The following SGCZ variants were observed in gnomAD, a reference collection of about 807,000 sequenced individuals.
The protein encoded by SGCZ is sarcoglycan zeta, also known as zeta-sarcoglycan.
In SGCZ, 40 loss-of-function variants were observed where a neutral mutation model predicts 41.3. That is an observed-to-expected ratio of 0.97 (90% CI 0.75 to 1.26). SGCZ has a LOEUF of 1.26. Among genes scored for constraint, SGCZ ranks in the 50% most tolerant of loss-of-function variants. SGCZ has a pLI of 0.00. For synonymous variants in SGCZ, 206 were observed against 137.5 expected, an observed-to-expected ratio of 1.50 and a Z score of -3.49; for missense variants, 552 against 369.8, an observed-to-expected ratio of 1.49 and a Z score of -4.04.
chr8:14,794,162 C>T (rs1023106796), intron 1 of SGCZ, among the ~76,000 whole-genome samples: 2 of 152,160 alleles, frequency 1.3e-5, no homozygotes, highest in Admixed American at 6.6e-5. Flanking sequence ...CTACAGTCTT[C>T]TACTCAGTCA....
At chr8:15,168,123 G>A (rs80273447) in intron 1 of SGCZ, among the ~76,000 whole-genome samples, 1 of 152,060 alleles carries the variant, frequency 6.6e-6, no homozygotes, top group African/African-American at 2.4e-5. Context: ...TTAGCATTTG[G>A]CTTATGTTAA....
At chr8:14,780,896 C>G (rs1490744014) in intron 1 of SGCZ, among the ~76,000 whole-genome samples, 1 of 151,912 alleles carries the variant, frequency 6.6e-6, no homozygotes, top group Non-Finnish European at 1.5e-5. Flanking sequence ...TTAAAAAAAG[C>G]AAATTTTCAA....
intron 1 of SGCZ, among the ~76,000 whole-genome samples, chr8:14,633,828 C>T (rs1387688222): frequency 1.3e-5 from 2 of 151,792 alleles, no homozygotes; most frequent in Non-Finnish European, 2.9e-5. Context: ...TTAAGTAGTC[C>T]AGTGTTCTGA....
chr8:14,344,937 C>G (rs1459392658), intron 2 of SGCZ, among the ~76,000 whole-genome samples: 1 of 151,896 alleles, frequency 6.6e-6, no homozygotes, highest in Non-Finnish European at 1.5e-5. Flanking sequence ...TACGATACAA[C>G]TAATTTAGGG....
intron 1 of SGCZ, among the ~76,000 whole-genome samples, chr8:14,580,320 T>C (rs1804846349): frequency 1.3e-5 from 2 of 152,230 alleles, no homozygotes; most frequent in South Asian, 4.1e-4. Flanking sequence ...TCTACTCTGA[T>C]TTTTCAGTTA....
At chr8:15,144,496 G>A (rs1389948096) in intron 1 of SGCZ, among the ~76,000 whole-genome samples, 3 of 150,018 alleles carry the variant, frequency 2.0e-5, no homozygotes, top group Non-Finnish European at 4.4e-5. Context: ...ACTAAGTCTC[G>A]CTCAGTCACC....
intron 3 of SGCZ, among the ~76,000 whole-genome samples, chr8:14,245,795 C>G (rs939835397): frequency 3.9e-5 from 6 of 152,138 alleles, no homozygotes; most frequent in African/African-American, 1.4e-4. Flanking sequence ...AGGACATGAA[C>G]AGACGCTTCT....
At position 14,456,332 on chromosome 8, in the gene SGCZ, C is replaced by G. The variant is rs573447502; in HGVS notation, c.234+98400G>C. On this transcript the variant is annotated intron_variant, in intron 2 of 7. Coordinates refer to ENST00000382080, the MANE Select transcript of SGCZ (RefSeq NM_139167.4). ...CTGAGGCGGGAGAATCACTTGAACC[C>G]GGGAGGCAGAGGTTGCAGAGAGCCA... is the stretch of plus-strand genomic sequence containing the variant. Among the ~76,000 whole-genome samples the G allele has an allele frequency of 2.0e-5, 3 of 152,040 alleles. No individual in the cohort carries two copies. The South Asian group carries it at 6.2e-4, about 31-fold the overall frequency.
At chr8:14,469,861 T>C (rs1337519775) in intron 2 of SGCZ, among the ~76,000 whole-genome samples, 2 of 152,146 alleles carry the variant, frequency 1.3e-5, no homozygotes, top group African/African-American at 4.8e-5. Context: ...GCATGGAAGC[T>C]CTGTGCCCCT....
intron 2 of SGCZ, among the ~76,000 whole-genome samples, chr8:14,483,343 G>C (rs1801585807): frequency 1.3e-5 from 2 of 152,224 alleles, no homozygotes; most frequent in African/African-American, 4.8e-5. Context: ...GCATAGGCAG[G>C]AGGATGGCTT....
chr8:14,177,958 C>CTTTTCTTTCTTTTTCTTTTTTTTTTT (rs767919994), intron 4 of SGCZ, among the ~76,000 whole-genome samples: 1 of 95,050 alleles, frequency 1.1e-5, no homozygotes, highest in African/African-American at 3.7e-5. Context: ...CTTTTTTTTT[C>CTTTTCTTTCTTTTTCTTTTTTTTTTT]TTTTTTTTTT....
chr8:14,933,154 A>T (rs1488443481), intron 1 of SGCZ, among the ~76,000 whole-genome samples: 2 of 152,142 alleles, frequency 1.3e-5, no homozygotes, highest in East Asian at 3.9e-4. Context: ...CGTCGGTAAC[A>T]GCATCAATTG....
chr8:14,738,677 T>TTATTA (rs1177277601), intron 1 of SGCZ, among the ~76,000 whole-genome samples: 1 of 152,088 alleles, frequency 6.6e-6, no homozygotes, highest in Non-Finnish European at 1.5e-5. Flanking sequence ...AATATTTTAT[T>TTATTA]TATTAAGATT....
chr8:15,198,099 TA>T (rs1449965004), intron 1 of SGCZ, among the ~76,000 whole-genome samples: 1 of 149,406 alleles, frequency 6.7e-6, no homozygotes, highest in Non-Finnish European at 1.5e-5. Flanking sequence ...TTATGATTTA[TA>T]ATTAATGATA....
At chr8:15,218,992 A>T (rs1464497380) in intron 1 of SGCZ, among the ~76,000 whole-genome samples, 1 of 152,274 alleles carries the variant, frequency 6.6e-6, no homozygotes. Context: ...GTTCTCAAAG[A>T]TCGTTAGATT....
chr8:14,991,643 T>C (rs547209946), intron 1 of SGCZ, among the ~76,000 whole-genome samples: 20 of 152,242 alleles, frequency 1.3e-4, no homozygotes, highest in South Asian at 1.0e-3. Context: ...TTCCTTGTGT[T>C]AGTGCAAGGA....
chr8:14,964,188 C>G (rs899470925), intron 1 of SGCZ, among the ~76,000 whole-genome samples: 3 of 152,182 alleles, frequency 2.0e-5, no homozygotes, highest in African/African-American at 7.2e-5. Flanking sequence ...TAGATCACTT[C>G]TTCAAACCTT....
At chr8:14,861,220 ATTCTT>A (rs1803736792) in intron 1 of SGCZ, among the ~76,000 whole-genome samples, 1 of 152,228 alleles carries the variant, frequency 6.6e-6, no homozygotes, top group Non-Finnish European at 1.5e-5. Context: ...TGTCACATCC[ATTCTT>A]ACACATGTTT....
intron 1 of SGCZ, among the ~76,000 whole-genome samples, chr8:14,698,345 T>G (rs1307194593): frequency 6.6e-6 from 1 of 151,928 alleles, no homozygotes; most frequent in Non-Finnish European, 1.5e-5. Context: ...TGGACAATGA[T>G]TTTTCTGGTT....
Sources: allele counts gnomAD v4.1 joint callset (sites outside exome capture counted in the v4.1 genomes callset), GRCh38; gene constraint gnomAD v4.1.1; transcripts MANE v1.5; gene names NCBI Gene and HGNC (gene_info 2026-07-23, HGNC 2026-07-21).